PALD1: variants seen among roughly 807,000 people sequenced by gnomAD.
PALD1 encodes paladin.
A neutral mutation model predicts 96.0 loss-of-function variants in PALD1; 57 were observed. The ratio of observed to expected loss-of-function variants is 0.59; its 90% CI spans 0.48 to 0.74. The LOEUF (loss-of-function observed/expected upper bound fraction) is 0.74. Ranked by LOEUF, PALD1 falls within the 30% of genes least tolerant of loss-of-function variation. PALD1 has a pLI of 0.00. For synonymous variants in PALD1, 464 were observed against 473.6 expected (o/e 0.98, Z 0.26); for missense variants, 1,063 against 1,143.7 (o/e 0.93, Z 1.02).
chr10:70,558,414 A>G (rs941412069), intron 18 of PALD1, among the ~76,000 whole-genome samples: 1 of 152,180 alleles, frequency 6.6e-6, no homozygotes, highest in Non-Finnish European at 1.5e-5. Context: ...CAAGGTGCAC[A>G]TGTTTGTCAT....
intron 1 of PALD1, among the ~76,000 whole-genome samples, chr10:70,501,709 A>G (rs1846296877): frequency 2.1e-5 from 1 of 47,610 alleles, no homozygotes; most frequent in Non-Finnish European, 9.0e-5. Context: ...GAGAAAATAA[A>G]GATATCCAGG....
chr10:70,552,783 C>G (rs1847507612), intron 18 of PALD1, among the ~76,000 whole-genome samples: 1 of 152,190 alleles, frequency 6.6e-6, no homozygotes, highest in South Asian at 2.1e-4. Context: ...TTAGATGTTT[C>G]CACTAATCTC....
chr10:70,513,458 C>T (rs1354104190), intron 1 of PALD1, among the ~76,000 whole-genome samples: 1 of 152,100 alleles, frequency 6.6e-6, no homozygotes, highest in Non-Finnish European at 1.5e-5. Flanking sequence ...TGCAGTGAGC[C>T]GAGATTGCAC....
At chr10:70,558,219 G>A (rs1335087598) in intron 18 of PALD1, among the ~76,000 whole-genome samples, 1 of 151,998 alleles carries the variant, frequency 6.6e-6, no homozygotes, top group Non-Finnish European at 1.5e-5. Flanking sequence ...CTGAGTCCAG[G>A]TCTTCAAGCA....
intron 17 of PALD1, among the ~76,000 whole-genome samples, chr10:70,546,473 A>G (rs756097383): frequency 6.6e-6 from 1 of 152,132 alleles, no homozygotes; most frequent in Non-Finnish European, 1.5e-5. Context: ...TCCTGTGAGA[A>G]CTGTGTGCAC....
intron 17 of PALD1, among the ~76,000 whole-genome samples, chr10:70,543,246 G>A (rs192107630): frequency 5.4e-4 from 82 of 152,206 alleles, no homozygotes; most frequent in Middle Eastern, 3.4e-3. Context: ...GAATTGGATT[G>A]TTGTTGAGTT....
chr10:70,466,284 C>T, the PALD1 span, among the ~76,000 whole-genome samples: 5 of 151,638 alleles, frequency 3.3e-5, no homozygotes, highest in African/African-American at 1.2e-4. Flanking sequence ...CTCACTCTGT[C>T]GCTCAGGCTG....
chr10:70,472,422 G>A, the PALD1 span, among the ~76,000 whole-genome samples: 2 of 152,066 alleles, frequency 1.3e-5, no homozygotes, highest in African/African-American at 4.8e-5. Context: ...CACCATGCCT[G>A]GCTAATTTTT....
chr10:70,468,305 G>A, the PALD1 span, among the ~76,000 whole-genome samples: 3 of 152,020 alleles, frequency 2.0e-5, no homozygotes, highest in South Asian at 2.1e-4. Flanking sequence ...GTGCAATGGC[G>A]CGATCTCGGC....
chr10:70,541,233 G>A lies in PALD1; in HGVS notation c.2040G>A (p.Trp680Ter). The stretch of plus-strand genomic sequence containing the variant: ...TGGTGGTGGCTGTCCTGGCCTTCTG[G>A]CACATCCAAGTACGTGTGGCCTCTC... ...TAMVVAVLAF[W>*]HIQGFPEVGE... Residue 680 changes from tryptophan (W) to a stop codon, truncating the protein, a stop_gained, in exon 16 of 20, where the codon TGG becomes TGA. Coordinates refer to ENST00000263563, the MANE Select transcript of PALD1 (RefSeq NM_014431.3). LOFTEE classifies it high-confidence loss of function. 1.2e-6 allele frequency: 2 copies of A among 1,606,010 alleles called. No homozygotes were observed. Among genetic ancestry groups the A allele is most frequent in the Non-Finnish European group, 1.7e-6 (2 of 1,176,696 alleles).
the PALD1 span, among the ~76,000 whole-genome samples, chr10:70,464,274 C>T: frequency 1.3e-5 from 2 of 149,014 alleles, no homozygotes; most frequent in East Asian, 2.0e-4. Flanking sequence ...TGCAGTGGCA[C>T]AATCTTGGCT....
chr10:70,537,745 C>T, intron 10 of PALD1, 66 bp from the exon 11 acceptor site: 3 of 1,074,098 alleles, frequency 2.8e-6, no homozygotes, highest in Non-Finnish European at 4.3e-6. Flanking sequence ...CCTGCCCTTG[C>T]AGGGATGGGG....
chr10:70,564,454 A>C lies in PALD1; in HGVS notation c.2353A>C (p.Asn785His). Residue 785 changes from asparagine to histidine, a missense_variant, in exon 19 of 20, where the codon AAC (asparagine) becomes CAC (histidine). Transcript: ENST00000263563. ...LERYVCLILF[N>H]AYLHLEKADS... ...GCGCTATGTCTGCCTGATTCTCTTC[A>C]ACGCGTACCTCCACCTGGAGAAGGC... 1 of 1,614,148 alleles carries C rather than the reference A, an allele frequency of 6.2e-7. No individual in the cohort carries two copies. Among genetic ancestry groups the C allele is most frequent in the Non-Finnish European group, 8.5e-7 (1 of 1,180,008 alleles).
intron 16 of PALD1, 96 bp downstream of exon 16, chr10:70,541,338 G>A (rs765629640): frequency 2.0e-6 from 3 of 1,525,296 alleles, no homozygotes; most frequent in Non-Finnish European, 2.7e-6. Context: ...GGTGTGAGGG[G>A]CAGAGACAGC....
At position 70,522,840 on chromosome 10, in the gene PALD1, G is replaced by A. The variant is rs114651763; in HGVS notation, c.-29-3083G>A. Among the ~76,000 whole-genome samples, 374 of 152,278 alleles carry A rather than the reference G, an allele frequency of 2.5e-3. 1 individual carries two copies. The highest frequency in any genetic ancestry group is 7.6e-3 in the African/African-American group (317 of 41,552). ...GCCAGATCCCCCTGAAGCTGGAAGG[G>A]GCTTTCAGACCATCCCAACCCTCAC... On this transcript the variant is annotated intron_variant, in intron 1 of 19. Coordinates refer to ENST00000263563, the MANE Select transcript of PALD1 (RefSeq NM_014431.3).
At chr10:70,469,893 A>G in the PALD1 span, among the ~76,000 whole-genome samples, 1 of 151,952 alleles carries the variant, frequency 6.6e-6, no homozygotes. Flanking sequence ...TCCTGAGTTC[A>G]AGCAATTCTC....
At chr10:70,478,066 G>C (rs904996766), upstream of PALD1, among the ~76,000 whole-genome samples, 5 of 151,636 alleles carry the variant, frequency 3.3e-5, no homozygotes, top group African/African-American at 9.7e-5. Context: ...GGCCTATGGT[G>C]CGGGTCACTG....
At chr10:70,546,100 G>A (rs918754204) in intron 17 of PALD1, among the ~76,000 whole-genome samples, 43 of 152,010 alleles carry the variant, frequency 2.8e-4, no homozygotes, top group African/African-American at 8.7e-4. Flanking sequence ...AGCTGGGTGC[G>A]GTGGCAGGTG....
intron 1 of PALD1, among the ~76,000 whole-genome samples, chr10:70,505,883 T>C (rs911866759): frequency 2.0e-5 from 3 of 151,912 alleles, no homozygotes; most frequent in African/African-American, 7.3e-5. Flanking sequence ...TAGCCGGGCA[T>C]GGTGGCGCAT....
Sources: allele counts gnomAD v4.1 joint callset (sites outside exome capture counted in the v4.1 genomes callset), GRCh38; gene constraint gnomAD v4.1.1; transcripts MANE v1.5; gene names NCBI Gene and HGNC (gene_info 2026-07-23, HGNC 2026-07-21).